The following SYT1 variants were observed in gnomAD, a reference collection of about 807,000 sequenced individuals.
The protein encoded by SYT1 is synaptotagmin-1.
In SYT1, 8 loss-of-function variants were observed where a neutral mutation model predicts 44.8. The observed-to-expected ratio is 0.18, with a 90% CI of 0.10 to 0.32. SYT1 has a LOEUF of 0.32. Among genes scored for constraint, SYT1 ranks in the 10% least tolerant of loss-of-function variants. SYT1 has a pLI of 1.00. For synonymous variants in SYT1, 154 were observed against 188.8 expected (o/e 0.82, Z 1.51); for missense variants, 286 against 509.3 (o/e 0.56, Z 4.22).
chr12:78,896,840 T>C (rs149165598), intron 1 of SYT1, among the ~76,000 whole-genome samples: 5 of 151,824 alleles, frequency 3.3e-5, no homozygotes, highest in African/African-American at 4.8e-5. Context: ...TAGTTTTTAC[T>C]TTACGATTTC....
chr12:78,942,944 TG>T, intron 1 of SYT1, among the ~76,000 whole-genome samples: 1 of 152,334 alleles, frequency 6.6e-6, no homozygotes, highest in Middle Eastern at 3.4e-3. Flanking sequence ...CTTTGAGTTC[TG>T]TATGTGTTCT....
intron 8 of SYT1, among the ~76,000 whole-genome samples, chr12:79,326,311 G>C (rs1188108958): frequency 6.6e-6 from 1 of 152,210 alleles, no homozygotes; most frequent in East Asian, 1.9e-4. Flanking sequence ...ACACGCCTTT[G>C]TGAGTTAAAT....
intron 2 of SYT1, among the ~76,000 whole-genome samples, chr12:79,044,665 T>C (rs1873865820): frequency 6.6e-6 from 1 of 150,526 alleles, no homozygotes; most frequent in Non-Finnish European, 1.5e-5. Context: ...GTTCCGTTGC[T>C]GGTGAGGAAC....
intron 3 of SYT1, among the ~76,000 whole-genome samples, chr12:79,114,696 A>G (rs1344117580): frequency 6.6e-6 from 1 of 152,152 alleles, no homozygotes; most frequent in Non-Finnish European, 1.5e-5. Context: ...CCAAAATACA[A>G]TATATGTTAG....
At chr12:78,997,476 T>A (rs17046177) in intron 2 of SYT1, among the ~76,000 whole-genome samples, 24,403 of 151,998 alleles carry the variant, frequency 0.16, 2,329 homozygotes, top group African/African-American at 0.27. Context: ...GCCTTGAGAG[T>A]AGGTGGTAAT....
At chr12:79,260,235 C>T (rs1287058778) in intron 4 of SYT1, among the ~76,000 whole-genome samples, 2 of 152,134 alleles carry the variant, frequency 1.3e-5, no homozygotes, top group African/African-American at 4.8e-5. Flanking sequence ...CTTTATACAA[C>T]AGAAATCTGT....
intron 4 of SYT1, among the ~76,000 whole-genome samples, chr12:79,221,257 T>C (rs528918848): frequency 6.6e-6 from 1 of 152,280 alleles, no homozygotes; most frequent in Non-Finnish European, 1.5e-5. Context: ...TGCTCTCTTT[T>C]GGTTTCCATT....
intron 1 of SYT1, among the ~76,000 whole-genome samples, chr12:78,881,244 A>C (rs2137055779): frequency 6.6e-6 from 1 of 151,700 alleles, no homozygotes; most frequent in East Asian, 2.0e-4. Context: ...TGCTACCCTT[A>C]ACTACATCAA....
At chr12:78,969,982 A>G (rs1160047020) in intron 1 of SYT1, among the ~76,000 whole-genome samples, 4 of 152,148 alleles carry the variant, frequency 2.6e-5, no homozygotes, top group African/African-American at 9.7e-5. Context: ...GTATATTAGG[A>G]AAATTAATCT....
At chr12:78,988,195 C>T (rs1869784019) in intron 2 of SYT1, among the ~76,000 whole-genome samples, 1 of 151,296 alleles carries the variant, frequency 6.6e-6, no homozygotes, top group Non-Finnish European at 1.5e-5. Flanking sequence ...CAATAGTGAG[C>T]AAAATAGGCC....
intron 1 of SYT1, among the ~76,000 whole-genome samples, chr12:78,943,431 G>A (rs1287609191): frequency 6.6e-6 from 1 of 152,180 alleles, no homozygotes; most frequent in East Asian, 1.9e-4. Flanking sequence ...TGAGGGGCAA[G>A]GGAGGTGCCA....
At chr12:79,183,158 C>T (rs542037666) in intron 3 of SYT1, among the ~76,000 whole-genome samples, 13 of 152,128 alleles carry the variant, frequency 8.5e-5, no homozygotes, top group African/African-American at 3.1e-4. Context: ...CTGGAGCATG[C>T]ACATTCCATC....
chr12:79,306,811 G>A lies in SYT1; in HGVS notation c.810+7260G>A, dbSNP rs371965478. Among the ~76,000 whole-genome samples the A allele has an allele frequency of 3.9e-3, 598 of 152,224 alleles. 5 individuals are homozygous for A. Among genetic ancestry groups the A allele is most frequent in the Non-Finnish European group, 7.2e-3 (487 of 68,026 alleles). ...CTGGCAGAGCAGAAAGTGAGGAGTGGGAGTTGAAATGGGAACAAATATAAA... is the reference window on the plus strand; with the variant it reads ...CTGGCAGAGCAGAAAGTGAGGAGTGAGAGTTGAAATGGGAACAAATATAAA... On this transcript the variant is annotated intron_variant, in intron 8 of 10. Coordinates refer to ENST00000261205, the MANE Select transcript of SYT1 (RefSeq NM_005639.3).
intron 9 of SYT1, among the ~76,000 whole-genome samples, chr12:79,396,672 ACTGTGACTCAAATACTTT>A (rs1260819369): frequency 6.6e-6 from 1 of 152,186 alleles, no homozygotes; most frequent in South Asian, 2.1e-4. Context: ...AGTGGAGAAA[ACTGTGACTCAAATACTTT>A]GTGTGACTTG....
chr12:78,934,359 AAAACAAAC>A (rs1230937964), intron 1 of SYT1, among the ~76,000 whole-genome samples: 1 of 151,980 alleles, frequency 6.6e-6, no homozygotes, highest in South Asian at 2.1e-4. Flanking sequence ...TATCTCTACA[AAAACAAAC>A]AAACAAACAA....
At chr12:78,942,198 C>T (rs957882081) in intron 1 of SYT1, among the ~76,000 whole-genome samples, 4 of 151,882 alleles carry the variant, frequency 2.6e-5, no homozygotes, top group African/African-American at 7.3e-5. Context: ...TCCTTTAACT[C>T]TTTATGTCCT....
chr12:78,914,438 A>C (rs1309504045), intron 1 of SYT1, among the ~76,000 whole-genome samples: 1 of 151,750 alleles, frequency 6.6e-6, no homozygotes, highest in East Asian at 1.9e-4. Context: ...TTAGCCACCA[A>C]GCAGTTTAAT....
rs186426645 is a variant in SYT1 at position 79,215,980 on chromosome 12, G to T, written c.-17-1523G>T. Among the ~76,000 whole-genome samples, 530 of 121,092 alleles carry T rather than the reference G, an allele frequency of 4.4e-3. 1 individual carries two copies. Among genetic ancestry groups the T allele is most frequent in the African/African-American group, 0.016 (507 of 31,388 alleles). 79.4% of individuals were successfully genotyped at this position (121,092 alleles called of 152,430 possible). On this transcript the variant is annotated intron_variant, in intron 3 of 10. Transcript: ENST00000261205. ...GAGTTTCGCTCTTGTAGCCCAGGCT[G>T]GAGTGCAGTAGCACAATCTTGGCTC...
intron 4 of SYT1, among the ~76,000 whole-genome samples, chr12:79,251,461 C>A (rs1877204858): frequency 6.6e-6 from 1 of 152,226 alleles, no homozygotes; most frequent in East Asian, 1.9e-4. Context: ...AAATAAGCCT[C>A]CTTAGTCATC....
Sources: allele counts gnomAD v4.1 joint callset (sites outside exome capture counted in the v4.1 genomes callset), GRCh38; gene constraint gnomAD v4.1.1; transcripts MANE v1.5; gene names NCBI Gene and HGNC (gene_info 2026-07-23, HGNC 2026-07-21).